DOCK3: variants seen among roughly 807,000 people sequenced by gnomAD.
DOCK3 encodes the protein dedicator of cytokinesis protein 3.
A neutral mutation model predicts 265.6 loss-of-function variants in DOCK3; 60 were observed. The observed-to-expected ratio is 0.23, with a 90% CI of 0.18 to 0.28. The LOEUF (loss-of-function observed/expected upper bound fraction) is 0.28, where lower values mean the gene tolerates loss of function less well. DOCK3 is among the 10% of genes least tolerant of loss of function. The pLI is 1.00. For synonymous variants in DOCK3, 881 were observed against 938.0 expected (o/e 0.94, Z 1.11); for missense variants, 1,981 against 2,594.3 (o/e 0.76, Z 5.14).
At chr3:50,851,709 C>G (rs1313605185) in intron 3 of DOCK3, among the ~76,000 whole-genome samples, 2 of 152,194 alleles carry the variant, frequency 1.3e-5, no homozygotes, top group African/African-American at 4.8e-5. Flanking sequence ...GCAGTTGTAG[C>G]AGTTCTCCCA....
rs566956105 is a variant in DOCK3 at position 51,170,138 on chromosome 3, A to G, written c.1037+9436A>G. Among the ~76,000 whole-genome samples the G allele has an allele frequency of 2.6e-5, 4 of 152,334 alleles. No individual in the cohort carries two copies. In the East Asian group the frequency reaches 5.8e-4, roughly 22 times the overall value. ...TGTTCAACCAGTAAGTATAATGCAAATATTCCAACATCTGAAAAAATTAAA... is the reference window on the plus strand; with the variant it reads ...TGTTCAACCAGTAAGTATAATGCAAGTATTCCAACATCTGAAAAAATTAAA... On this transcript the variant is annotated intron_variant, in intron 12 of 52. Transcript: ENST00000266037.
intron 3 of DOCK3, among the ~76,000 whole-genome samples, chr3:50,880,090 A>G (rs1204772397): frequency 3.3e-5 from 5 of 152,232 alleles, no homozygotes; most frequent in Non-Finnish European, 7.3e-5. Context: ...CAATGAGAAC[A>G]AAGACACAAC....
intron 11 of DOCK3, among the ~76,000 whole-genome samples, chr3:51,159,520 T>C (rs2086028660): frequency 6.6e-6 from 1 of 152,188 alleles, no homozygotes; most frequent in Non-Finnish European, 1.5e-5. Flanking sequence ...GTTTGTGTTT[T>C]TTAATCACTT....
chr3:51,220,711 A>T (rs9843688), intron 14 of DOCK3, among the ~76,000 whole-genome samples: 1 of 111,438 alleles, frequency 9.0e-6, no homozygotes, highest in Non-Finnish European at 1.8e-5. Flanking sequence ...GTGTGTGTGT[A>T]TATATATATA....
At chr3:51,218,428 G>C (rs1469482802) in intron 14 of DOCK3, among the ~76,000 whole-genome samples, 1 of 152,086 alleles carries the variant, frequency 6.6e-6, no homozygotes, top group East Asian at 1.9e-4. Context: ...AGCAGAATCT[G>C]TCTCAAAACC....
At chr3:51,292,705 C>A (rs1447973395) in intron 27 of DOCK3, among the ~76,000 whole-genome samples, 5 of 152,014 alleles carry the variant, frequency 3.3e-5, no homozygotes, top group African/African-American at 1.2e-4. Flanking sequence ...TGAGACAGGG[C>A]CTCCCTCTGT....
rs534294416 is a variant in DOCK3 at position 50,730,685 on chromosome 3, G to A, written c.38-47990G>A. On this transcript the variant is annotated intron_variant, in intron 1 of 52. Coordinates refer to ENST00000266037, the MANE Select transcript of DOCK3 (RefSeq NM_004947.5). Reference sequence around the variant, plus strand: ...GTCTCTACAAAAAATTAAAAAATTAGCCAGGTGCTGTGGTGTGCACCTGTA... The same window carrying A: ...GTCTCTACAAAAAATTAAAAAATTAACCAGGTGCTGTGGTGTGCACCTGTA... Among the ~76,000 whole-genome samples the A allele has an allele frequency of 3.9e-5, 6 of 151,988 alleles. No individual in the cohort carries two copies. In the South Asian group the frequency reaches 1.2e-3, roughly 32 times the overall value.
At chr3:51,273,535 G>T (rs1178059721) in intron 24 of DOCK3, among the ~76,000 whole-genome samples, 2 of 152,106 alleles carry the variant, frequency 1.3e-5, no homozygotes, top group East Asian at 3.8e-4. Context: ...AGCAGCTATT[G>T]GTTGTTACAA....
At chr3:51,028,971 G>A (rs2079927848) in intron 5 of DOCK3, among the ~76,000 whole-genome samples, 1 of 152,148 alleles carries the variant, frequency 6.6e-6, no homozygotes, top group Non-Finnish European at 1.5e-5. Context: ...TGGAGGTGAA[G>A]AAACACTGGC....
At chr3:50,853,328 G>A (rs1345582262) in intron 3 of DOCK3, among the ~76,000 whole-genome samples, 1 of 151,164 alleles carries the variant, frequency 6.6e-6, no homozygotes, top group Non-Finnish European at 1.5e-5. Context: ...TTATGGATTT[G>A]GAGGGATACA....
intron 3 of DOCK3, among the ~76,000 whole-genome samples, chr3:50,869,549 T>C (rs1227792250): frequency 6.6e-6 from 1 of 151,562 alleles, no homozygotes; most frequent in Admixed American, 6.6e-5. Context: ...TTCTTGTGTT[T>C]TTGGTAGAGA....
chr3:51,169,804 G>A (rs934447281), intron 12 of DOCK3, among the ~76,000 whole-genome samples: 16 of 151,750 alleles, frequency 1.1e-4, no homozygotes, highest in Middle Eastern at 6.8e-3. Flanking sequence ...AATGTGGTAC[G>A]TCACATTTAT....
intron 27 of DOCK3, among the ~76,000 whole-genome samples, chr3:51,295,749 C>G (rs2082043321): frequency 6.6e-6 from 1 of 150,990 alleles, no homozygotes; most frequent in Non-Finnish European, 1.5e-5. Context: ...ATTTATTATA[C>G]TGGAGAGTCT....
At chr3:50,745,461 T>C (rs1576314266) in intron 1 of DOCK3, among the ~76,000 whole-genome samples, 2 of 152,336 alleles carry the variant, frequency 1.3e-5, no homozygotes, top group South Asian at 2.1e-4. Context: ...CTAAGTAATG[T>C]TTTGTAGCTT....
intron 23 of DOCK3, among the ~76,000 whole-genome samples, chr3:51,263,688 A>G (rs1055610283): frequency 6.6e-6 from 1 of 152,226 alleles, no homozygotes; most frequent in African/African-American, 2.4e-5. Flanking sequence ...CTCACATGCA[A>G]AGACACACAT....
chr3:51,028,107 T>C (rs1406037296), intron 5 of DOCK3, among the ~76,000 whole-genome samples: 4 of 152,312 alleles, frequency 2.6e-5, no homozygotes, highest in Middle Eastern at 3.4e-3. Context: ...CTCGAGCATT[T>C]CTTGTCGGGC....
chr3:51,058,644 C>T (rs2081286482), intron 5 of DOCK3, among the ~76,000 whole-genome samples: 1 of 152,090 alleles, frequency 6.6e-6, no homozygotes, highest in African/African-American at 2.4e-5. Context: ...CTAAGTTGAG[C>T]AGTTTATAAA....
At chr3:51,332,343 C>G (rs1454236998) in intron 33 of DOCK3, among the ~76,000 whole-genome samples, 2 of 152,148 alleles carry the variant, frequency 1.3e-5, no homozygotes, top group African/African-American at 4.8e-5. Flanking sequence ...TTTGGAGAAG[C>G]CAGGGGCTGC....
At chr3:50,788,384 A>G (rs1194252067) in intron 2 of DOCK3, 1 of 220,174 alleles carries the variant, frequency 4.5e-6, no homozygotes, top group East Asian at 1.0e-4. Context: ...ATCCCTAAGA[A>G]TCACTCAAAT....
Sources: allele counts gnomAD v4.1 joint callset (sites outside exome capture counted in the v4.1 genomes callset), GRCh38; gene constraint gnomAD v4.1.1; transcripts MANE v1.5; gene names NCBI Gene and HGNC (gene_info 2026-07-23, HGNC 2026-07-21).